L3MBTL4: variants seen among roughly 807,000 people sequenced by gnomAD.
The protein encoded by L3MBTL4 is lethal(3)malignant brain tumor-like protein 4.
In L3MBTL4, 70 loss-of-function variants were observed where a neutral mutation model predicts 84.5. The ratio of observed to expected loss-of-function variants is 0.83; its 90% CI spans 0.68 to 1.01. L3MBTL4 has a LOEUF of 1.01. L3MBTL4 is among the 50% of genes least tolerant of loss of function. The pLI is 0.00. For missense variants in L3MBTL4, 715 were observed against 754.8 expected (o/e 0.95, Z 0.62); for synonymous variants, 274 against 259.8 (o/e 1.05, Z -0.52).
At chr18:6,037,129 A>G (rs150791530) in intron 16 of L3MBTL4, among the ~76,000 whole-genome samples, 32 of 152,326 alleles carry the variant, frequency 2.1e-4, no homozygotes, top group East Asian at 1.4e-3. Flanking sequence ...ATCAGCAGTC[A>G]GAGCACAGAT....
At chr18:6,226,213 C>G (rs931689183) in intron 10 of L3MBTL4, among the ~76,000 whole-genome samples, 16 of 152,070 alleles carry the variant, frequency 1.1e-4, no homozygotes, top group Admixed American at 1.0e-3. Flanking sequence ...TTGAGACCAG[C>G]CTGGCCAACA....
intron 16 of L3MBTL4, among the ~76,000 whole-genome samples, chr18:5,978,726 G>A (rs498274): frequency 0.42 from 63,805 of 152,018 alleles, 14,473 homozygotes; most frequent in East Asian, 0.75. Context: ...AGTGCCTGAG[G>A]ACGTGGTTTA....
At chr18:6,079,486 A>G (rs2057994626) in intron 16 of L3MBTL4, among the ~76,000 whole-genome samples, 1 of 152,266 alleles carries the variant, frequency 6.6e-6, no homozygotes, top group African/African-American at 2.4e-5. Context: ...TACATGATGC[A>G]GAAAAGAACA....
At chr18:6,177,227 C>T (rs529904239) in intron 12 of L3MBTL4, among the ~76,000 whole-genome samples, 3 of 152,208 alleles carry the variant, frequency 2.0e-5, no homozygotes, top group Non-Finnish European at 2.9e-5. Flanking sequence ...AAATGCCCAA[C>T]AGGTGAACAT....
At chr18:6,020,944 T>C (rs896632598) in intron 16 of L3MBTL4, among the ~76,000 whole-genome samples, 1 of 152,128 alleles carries the variant, frequency 6.6e-6, no homozygotes. Flanking sequence ...ACTCAGAGAC[T>C]GGGAGAGAAG....
chr18:6,130,747 T>C (rs184712928), intron 14 of L3MBTL4, among the ~76,000 whole-genome samples: 1 of 152,334 alleles, frequency 6.6e-6, no homozygotes, highest in African/African-American at 2.4e-5. Flanking sequence ...TTACATCTTG[T>C]AGTCCCAATA....
At chr18:6,086,870 C>T (rs1289215003) in intron 15 of L3MBTL4, among the ~76,000 whole-genome samples, 1 of 152,150 alleles carries the variant, frequency 6.6e-6, no homozygotes, top group Non-Finnish European at 1.5e-5. Flanking sequence ...CTCCACATCC[C>T]TAGCACCTAA....
chr18:6,194,777 G>A lies in L3MBTL4; in HGVS notation c.981+18372C>T, dbSNP rs116339191. Among the ~76,000 whole-genome samples the A allele has an allele frequency of 2.7e-3, 412 of 152,336 alleles. 2 individuals are homozygous for A. The highest frequency in any genetic ancestry group is 9.5e-3 in the African/African-American group (395 of 41,596). ...AGACACAGGTGACAGGAAAGGCATG[G>A]CAGCATCCCCGATGAATTGCCATCC... On this transcript the variant is annotated intron_variant, in intron 12 of 18. Coordinates refer to ENST00000317931, the MANE Select transcript of L3MBTL4 (RefSeq NM_001330559.2).
At chr18:6,050,296 C>A (rs542988503) in intron 16 of L3MBTL4, among the ~76,000 whole-genome samples, 1 of 152,292 alleles carries the variant, frequency 6.6e-6, no homozygotes, top group African/African-American at 2.4e-5. Flanking sequence ...CATACTCTCC[C>A]ACACGATGTC....
chr18:6,003,629 A>G (rs1356529168), intron 16 of L3MBTL4, among the ~76,000 whole-genome samples: 1 of 152,114 alleles, frequency 6.6e-6, no homozygotes, highest in African/African-American at 2.4e-5. Context: ...GGCATTCTCC[A>G]GGATAGACTA....
chr18:6,019,598 A>G (rs562619370), intron 16 of L3MBTL4, among the ~76,000 whole-genome samples: 6 of 152,346 alleles, frequency 3.9e-5, no homozygotes, highest in African/African-American at 1.4e-4. Context: ...CAGGTTTCAT[A>G]TATGTCACTT....
intron 13 of L3MBTL4, among the ~76,000 whole-genome samples, chr18:6,140,255 C>A (rs1192581226): frequency 1.3e-5 from 2 of 152,204 alleles, no homozygotes; most frequent in African/African-American, 4.8e-5. Flanking sequence ...CCATAACCCA[C>A]TTCCCTTGTC....
intron 12 of L3MBTL4, among the ~76,000 whole-genome samples, chr18:6,173,360 A>G (rs1467254208): frequency 6.6e-6 from 1 of 152,226 alleles, no homozygotes; most frequent in Non-Finnish European, 1.5e-5. Flanking sequence ...TCCTGATTGC[A>G]GCACACAGAG....
intron 16 of L3MBTL4, among the ~76,000 whole-genome samples, chr18:5,980,590 C>T (rs1411232407): frequency 6.6e-6 from 1 of 151,974 alleles, no homozygotes; most frequent in African/African-American, 2.4e-5. Context: ...CACCACCACC[C>T]CTTGATAATT....
At chr18:6,318,901 A>C (rs2051262248) in intron 1 of L3MBTL4, among the ~76,000 whole-genome samples, 1 of 152,148 alleles carries the variant, frequency 6.6e-6, no homozygotes. Flanking sequence ...GTCTTGATAC[A>C]TTTTAACATA....
intron 1 of L3MBTL4, among the ~76,000 whole-genome samples, chr18:6,412,500 C>T (rs191638904): frequency 1.0e-3 from 156 of 152,270 alleles, no homozygotes; most frequent in African/African-American, 3.3e-3. Flanking sequence ...CTTCCTTGGT[C>T]AGACTGGGTG....
intron 10 of L3MBTL4, among the ~76,000 whole-genome samples, chr18:6,228,809 T>C (rs114850366): frequency 0.011 from 1,669 of 152,234 alleles, 29 homozygotes; most frequent in African/African-American, 0.038. Context: ...TGGGGGTCAT[T>C]GTCATGGACA....
At chr18:6,149,284 T>C (rs1010186042) in intron 13 of L3MBTL4, among the ~76,000 whole-genome samples, 1 of 149,212 alleles carries the variant, frequency 6.7e-6, no homozygotes, top group South Asian at 2.1e-4. Flanking sequence ...CACCTATGAG[T>C]GAGAACATAT....
At chr18:6,031,485 T>C in intron 16 of L3MBTL4, 1 of 985,428 alleles carries the variant, frequency 1.0e-6, no homozygotes, top group Non-Finnish European at 1.2e-6. Context: ...CATCAGCATC[T>C]CATTTTTTTA....
Sources: allele counts gnomAD v4.1 joint callset (sites outside exome capture counted in the v4.1 genomes callset), GRCh38; gene constraint gnomAD v4.1.1; transcripts MANE v1.5; gene names NCBI Gene and HGNC (gene_info 2026-07-23, HGNC 2026-07-21).